Variants in NCKAP5 observed in about 807,000 individuals in gnomAD.
NCKAP5 encodes NCK associated protein 5.
NCKAP5 carries 92 observed loss-of-function variants against 167.0 expected under a neutral mutation model. The ratio of observed to expected loss-of-function variants is 0.55; its 90% CI spans 0.47 to 0.66. NCKAP5 has a LOEUF of 0.66. Among genes scored for constraint, NCKAP5 ranks in the 30% least tolerant of loss-of-function variants. NCKAP5 has a pLI of 0.00. For missense variants in NCKAP5, 2,378 were observed against 2,315.0 expected, an observed-to-expected ratio of 1.03 and a Z score of -0.56; for synonymous variants, 891 against 877.4, an observed-to-expected ratio of 1.02 and a Z score of -0.27.
chr2:133,450,859 C>G (rs879671646), intron 3 of NCKAP5, among the ~76,000 whole-genome samples: 4 of 152,138 alleles, frequency 2.6e-5, no homozygotes, highest in Non-Finnish European at 5.9e-5. Context: ...CCTTTTCCAC[C>G]AGGGTAAAAT....
chr2:133,278,023 C>G (rs539829884), intron 4 of NCKAP5, among the ~76,000 whole-genome samples: 113 of 152,200 alleles, frequency 7.4e-4, no homozygotes, highest in African/African-American at 2.5e-3. Flanking sequence ...AATGAAACCA[C>G]GCCATCACAA....
intron 8 of NCKAP5, among the ~76,000 whole-genome samples, chr2:132,926,581 A>G (rs1695912597): frequency 6.6e-6 from 1 of 152,142 alleles, no homozygotes; most frequent in African/African-American, 2.4e-5. Flanking sequence ...TCTGATGAAT[A>G]TAAGATAATA....
At chr2:133,185,587 T>A (rs2084912420) in intron 5 of NCKAP5, among the ~76,000 whole-genome samples, 1 of 152,092 alleles carries the variant, frequency 6.6e-6, no homozygotes, top group Non-Finnish European at 1.5e-5. Context: ...TTGATTTTTC[T>A]GATCCATAAG....
At chr2:133,536,409 T>C (rs1238550511) in intron 2 of NCKAP5, among the ~76,000 whole-genome samples, 1 of 152,086 alleles carries the variant, frequency 6.6e-6, no homozygotes, top group East Asian at 1.9e-4. Context: ...TTCCCCATTG[T>C]ATATTTTTGA....
chr2:133,570,937 A>G (rs1688843081), upstream of NCKAP5, among the ~76,000 whole-genome samples: 1 of 152,170 alleles, frequency 6.6e-6, no homozygotes, highest in Non-Finnish European at 1.5e-5. Context: ...TACCTGCTAT[A>G]CTGCCTACCA....
chr2:132,819,577 T>C (rs72991320), intron 11 of NCKAP5, among the ~76,000 whole-genome samples: 2 of 152,144 alleles, frequency 1.3e-5, no homozygotes, highest in African/African-American at 4.8e-5. Context: ...CAATACACGG[T>C]CATAAAGCAA....
chr2:133,185,965 C>T (rs1309876434), intron 5 of NCKAP5, among the ~76,000 whole-genome samples: 1 of 152,020 alleles, frequency 6.6e-6, no homozygotes, highest in Non-Finnish European at 1.5e-5. Flanking sequence ...TTTCTCTTGC[C>T]TGATTCCTCT....
chr2:133,187,909 T>C (rs2085020870), intron 5 of NCKAP5, among the ~76,000 whole-genome samples: 1 of 152,114 alleles, frequency 6.6e-6, no homozygotes, highest in African/African-American at 2.4e-5. Flanking sequence ...AGCACACTGA[T>C]GGGTCTTGAA....
At chr2:133,153,962 T>G (rs923798434) in intron 5 of NCKAP5, among the ~76,000 whole-genome samples, 2 of 149,786 alleles carry the variant, frequency 1.3e-5, no homozygotes, top group Non-Finnish European at 3.0e-5. Flanking sequence ...TGCCTCAGCC[T>G]CCTGAGTAGC....
the NCKAP5 span, among the ~76,000 whole-genome samples, chr2:133,612,563 G>A: frequency 6.6e-6 from 1 of 152,156 alleles, no homozygotes; most frequent in Admixed American, 6.6e-5. Context: ...TGCAGACATT[G>A]TGACTTGTAA....
intron 3 of NCKAP5, among the ~76,000 whole-genome samples, chr2:133,322,477 T>C (rs563796866): frequency 1.3e-5 from 2 of 152,346 alleles, no homozygotes; most frequent in Admixed American, 1.3e-4. Context: ...TTAATTATCT[T>C]TTACAACATA....
intron 8 of NCKAP5, among the ~76,000 whole-genome samples, chr2:132,896,378 A>G (rs1031225897): frequency 2.0e-5 from 3 of 152,194 alleles, no homozygotes; most frequent in African/African-American, 7.2e-5. Flanking sequence ...AAGAGCACTA[A>G]CAGATTCATA....
At chr2:133,369,015 G>T (rs1685626610) in intron 3 of NCKAP5, among the ~76,000 whole-genome samples, 1 of 152,202 alleles carries the variant, frequency 6.6e-6, no homozygotes, top group Non-Finnish European at 1.5e-5. Flanking sequence ...ATTGATGGTA[G>T]AAATAGTTCT....
At chr2:133,188,114 G>C (rs2085033575) in intron 5 of NCKAP5, among the ~76,000 whole-genome samples, 1 of 152,008 alleles carries the variant, frequency 6.6e-6, no homozygotes, top group South Asian at 2.1e-4. Context: ...GCTGGTACTG[G>C]TTGTTCCTTT....
intron 19 of NCKAP5, among the ~76,000 whole-genome samples, chr2:132,697,201 C>G (rs1687420807): frequency 6.6e-6 from 1 of 152,116 alleles, no homozygotes; most frequent in South Asian, 2.1e-4. Flanking sequence ...CCTTATGCTT[C>G]TAACAGTTAT....
At chr2:133,384,867 T>G (rs956765869) in intron 3 of NCKAP5, among the ~76,000 whole-genome samples, 4 of 152,188 alleles carry the variant, frequency 2.6e-5, no homozygotes, top group South Asian at 2.1e-4. Flanking sequence ...TGGTGTATAA[T>G]AATGCTTGTG....
rs764221869 is a variant in NCKAP5 at position 133,130,091 on chromosome 2, T to A, written c.228A>T (p.Glu76Asp). The change falls in exon 6 of 20, where the codon GAA (glutamate) becomes GAT (aspartate). Residue 76 changes from glutamate to aspartate, a missense_variant. Transcript: ENST00000409261. Reference protein sequence around the residue: ...EGAMHEKLIHELEEERHLRLQ... With the variant: ...EGAMHEKLIHDLEEERHLRLQ... ...GACGTAAGTGTCTCTCCTCTTCCAG[T>A]TCATGTATCAGCTTCTCATGCTATA... The A allele has an allele frequency of 6.2e-7, 1 of 1,610,772 alleles. No individual in the cohort carries two copies. The highest frequency in any genetic ancestry group is 8.5e-7 in the Non-Finnish European group (1 of 1,178,964).
chr2:133,080,417 T>C (rs1338599925), intron 6 of NCKAP5, among the ~76,000 whole-genome samples: 1 of 152,136 alleles, frequency 6.6e-6, no homozygotes, highest in African/African-American at 2.4e-5. Flanking sequence ...TTTCCTGTGC[T>C]TTATTTAAAT....
intron 5 of NCKAP5, among the ~76,000 whole-genome samples, chr2:133,156,054 C>T (rs2083566236): frequency 6.6e-6 from 1 of 152,122 alleles, no homozygotes; most frequent in Non-Finnish European, 1.5e-5. Context: ...ACAAAGTCCC[C>T]AGTTTCTGTA....
Sources: allele counts gnomAD v4.1 joint callset (sites outside exome capture counted in the v4.1 genomes callset), GRCh38; gene constraint gnomAD v4.1.1; transcripts MANE v1.5; gene names NCBI Gene and HGNC (gene_info 2026-07-23, HGNC 2026-07-21).